MED12L: variants seen among roughly 807,000 people sequenced by gnomAD.
The protein encoded by MED12L is mediator of RNA polymerase II transcription subunit 12-like protein.
Under a neutral mutation model 281.3 loss-of-function variants are expected in MED12L, and 60 were observed. The observed-to-expected ratio is 0.21, with a 90% confidence interval of 0.17 to 0.26. MED12L has a LOEUF of 0.26. Ranked by LOEUF, MED12L falls within the 10% of genes least tolerant of loss-of-function variation. MED12L has a pLI of 1.00. For missense variants in MED12L, 2,146 were observed against 2,680.9 expected, an observed-to-expected ratio of 0.80 and a Z score of 4.41; for synonymous variants, 974 against 987.2, an observed-to-expected ratio of 0.99 and a Z score of 0.25.
rs566945624 is a variant in MED12L, at chr3:151,432,679, G to C, written c.6491-73G>C. 1.0e-5 allele frequency: 11 copies of C among 1,104,480 alleles called. No homozygotes were observed. In the African/African-American group the frequency reaches 1.5e-4, roughly 15 times the overall value. 68.4% of individuals were successfully genotyped at this position (1,104,480 alleles called of 1,614,324 possible). On this transcript the variant is annotated intron_variant, in intron 44 of 44. Coordinates refer to ENST00000687756, the MANE Select transcript of MED12L (RefSeq NM_001393769.1). ...ACCTGCAGCTGGTACTGAGAGCAGT[G>C]ACAAGAGGGTAGCATCCATCTGTGC...
Position 151,349,157 on chromosome 3 carries a change from G to A in MED12L, c.2251-902G>A, listed in dbSNP as rs1752924747. 2.6e-5 allele frequency among the ~76,000 whole-genome samples: 4 copies of A among 152,304 alleles called. No individual in the cohort carries two copies. The South Asian group carries it at 8.3e-4, about 32-fold the overall frequency. ...AGATTCAGAGCCAGGCACAAGAGAG[G>A]GCACATCTTGGACTCTGTTACTTTG... On this transcript the variant is annotated intron_variant, in intron 16 of 44. Transcript: ENST00000687756.
Position 151,193,959 on chromosome 3 carries a change from T to C in MED12L, c.2250+293T>C, listed in dbSNP as rs530320635. ...AGGTGATGTCTAAATGTGTTTTTTT[T>C]CTTTTCTTTTTTTTTTTTTTTTTGA... On this transcript the variant is annotated intron_variant, in intron 16 of 44. Coordinates refer to ENST00000687756, the MANE Select transcript of MED12L (RefSeq NM_001393769.1). Among the ~76,000 whole-genome samples the C allele has an allele frequency of 3.7e-3, 479 of 128,820 alleles. 24 individuals are homozygous for C. In the South Asian group the frequency reaches 0.12, roughly 33 times the overall value. 84.5% of individuals were successfully genotyped at this position (128,820 alleles called of 152,430 possible).
chr3:151,148,309 C>G (rs1718003824), intron 5 of MED12L, among the ~76,000 whole-genome samples: 1 of 151,984 alleles, frequency 6.6e-6, no homozygotes, highest in Admixed American at 6.6e-5. Flanking sequence ...ATCTTTTCAC[C>G]CTGTTAATTG....
intron 11 of MED12L, among the ~76,000 whole-genome samples, chr3:151,181,211 A>T (rs1314391248): frequency 6.6e-6 from 1 of 152,074 alleles, no homozygotes; most frequent in Non-Finnish European, 1.5e-5. Flanking sequence ...TTTGGTATTA[A>T]AAATAATATA....
chr3:151,321,567 G>T (rs1213448493), intron 16 of MED12L, among the ~76,000 whole-genome samples: 1 of 152,014 alleles, frequency 6.6e-6, no homozygotes, highest in Non-Finnish European at 1.5e-5. Flanking sequence ...ATACAATTAA[G>T]ATCAACACCA....
Position 151,122,882 on chromosome 3 carries a change from T to C in MED12L, c.304T>C (p.Tyr102His), listed in dbSNP as rs1316938187. 6.2e-7 allele frequency: 1 copy of C among 1,612,952 alleles called. No homozygotes were observed. The highest frequency in any genetic ancestry group is 1.7e-5 in the Admixed American group (1 of 59,902). ...KKPQVNAKDNYWLVTARSQSA... is the reference protein window; with the variant it reads ...KKPQVNAKDNHWLVTARSQSA... ...ACCACAAGTTAATGCTAAAGATAATTATTGGCTGGTTACTGCTCGATCCCA... is the reference window on the plus strand; with the variant it reads ...ACCACAAGTTAATGCTAAAGATAATCATTGGCTGGTTACTGCTCGATCCCA... The change falls in exon 4 of 45, where the codon TAT becomes CAT. Residue 102 changes from tyrosine to histidine, a missense_variant. Physicochemically the swap from Tyr to His is moderately conservative, Grantham distance 83 (BLOSUM62 2). Coordinates refer to ENST00000687756, the MANE Select transcript of MED12L (RefSeq NM_001393769.1).
chr3:151,300,271 C>A, intron 16 of MED12L: 1 of 644,880 alleles, frequency 1.6e-6, no homozygotes, highest in South Asian at 1.7e-5. Flanking sequence ...TTGGTCTTTT[C>A]AGTTAAAGCA....
chr3:151,389,711 T>C (rs776892741), intron 37 of MED12L, among the ~76,000 whole-genome samples: 17 of 152,310 alleles, frequency 1.1e-4, no homozygotes, highest in Non-Finnish European at 2.2e-4. Context: ...CTGACACACT[T>C]GTAGTCTTTT....
At chr3:151,136,582 A>G (rs138711353) in intron 5 of MED12L, among the ~76,000 whole-genome samples, 2 of 152,288 alleles carry the variant, frequency 1.3e-5, no homozygotes, top group East Asian at 3.9e-4. Context: ...GAATGGGGCT[A>G]TTGGGGGTGA....
chr3:151,372,788 TTTAC>T, intron 27 of MED12L, 22 bp downstream of exon 27: 1 of 1,597,656 alleles, frequency 6.3e-7, no homozygotes, highest in Non-Finnish European at 8.6e-7. Flanking sequence ...TAATTTGCCT[TTTAC>T]TTTGAGTACG....
At chr3:151,180,388 C>T (rs947894219) in intron 11 of MED12L, among the ~76,000 whole-genome samples, 9 of 152,162 alleles carry the variant, frequency 5.9e-5, no homozygotes, top group African/African-American at 1.9e-4. Flanking sequence ...CTAGAAATGT[C>T]TTGTTACTTT....
In MED12L at chr3:151,226,752, A is replaced by G. The variant is rs189559589; in HGVS notation, c.2250+33086A>G. Among the ~76,000 whole-genome samples the G allele has an allele frequency of 2.9e-3, 442 of 152,346 alleles. 3 individuals carry two copies. Among genetic ancestry groups the G allele is most frequent in the African/African-American group, 0.01 (425 of 41,572 alleles). ...AGTTATCTTCCAGATACTGCGGCAT[A>G]GAGAACCTCCTTTTGATTTGCCAGT... On this transcript the variant is annotated intron_variant, in intron 16 of 44. Coordinates refer to ENST00000687756, the MANE Select transcript of MED12L (RefSeq NM_001393769.1).
intron 44 of MED12L, among the ~76,000 whole-genome samples, chr3:151,430,874 A>T (rs1719424435): frequency 6.6e-6 from 1 of 150,412 alleles, no homozygotes; most frequent in Non-Finnish European, 1.5e-5. Context: ...ATAACATCAT[A>T]CACAGCATGA....
chr3:151,320,892 G>A (rs1039413965), intron 16 of MED12L, among the ~76,000 whole-genome samples: 27 of 152,310 alleles, frequency 1.8e-4, no homozygotes, highest in Admixed American at 9.8e-4. Flanking sequence ...TTTGGGCAAA[G>A]CATATCTTCT....
intron 39 of MED12L, among the ~76,000 whole-genome samples, chr3:151,407,846 T>A (rs1055772037): frequency 3.3e-5 from 5 of 152,134 alleles, no homozygotes; most frequent in African/African-American, 1.2e-4. Context: ...GATGCTGAAG[T>A]TTCGTAAATG....
chr3:151,426,272 A>AG (rs1432448328), intron 43 of MED12L, among the ~76,000 whole-genome samples: 3 of 152,312 alleles, frequency 2.0e-5, no homozygotes, highest in South Asian at 4.1e-4. Context: ...GAGTCCCGGG[A>AG]GGATAATCCT....
chr3:151,336,535 G>C (rs1476257631), intron 16 of MED12L: 3 of 456,386 alleles, frequency 6.6e-6, no homozygotes, highest in African/African-American at 6.0e-5. Context: ...CCTTCTGTTT[G>C]AGAGTCACCT....
chr3:151,355,653 C>A (rs1560068995), intron 18 of MED12L, among the ~76,000 whole-genome samples: 2 of 152,058 alleles, frequency 1.3e-5, no homozygotes, highest in Admixed American at 6.5e-5. Context: ...TGTAGTTGTT[C>A]TACCATTAGA....
chr3:151,338,836 C>T lies in MED12L; in HGVS notation c.2251-11223C>T, dbSNP rs376034077. On this transcript the variant is annotated intron_variant, in intron 16 of 44. Coordinates refer to ENST00000687756, the MANE Select transcript of MED12L (RefSeq NM_001393769.1). ...CCAGGCGCAGAGGTGAGGTTGTCGA[C>T]GGCTTGCATTTCTTGTTGGTTACCT... 21 of 1,613,390 alleles carry T rather than the reference C, an allele frequency of 1.3e-5. No individual in the cohort carries two copies. In the African/African-American group the frequency reaches 1.5e-4, roughly 11 times the overall value.
Sources: allele counts gnomAD v4.1 joint callset (sites outside exome capture counted in the v4.1 genomes callset), GRCh38; gene constraint gnomAD v4.1.1; transcripts MANE v1.5; gene names NCBI Gene and HGNC (gene_info 2026-07-23, HGNC 2026-07-21).